NEO1: variants seen among roughly 807,000 people sequenced by gnomAD.
The protein encoded by NEO1 is neogenin.
A neutral mutation model predicts 159.7 loss-of-function variants in NEO1; 63 were observed. That is an observed-to-expected ratio of 0.39 (90% CI 0.32 to 0.49). The LOEUF (loss-of-function observed/expected upper bound fraction) is 0.49. NEO1 is among the 20% of genes least tolerant of loss of function. The pLI, the probability that NEO1 is intolerant of heterozygous loss-of-function variation, is 0.85. For synonymous variants in NEO1, 633 were observed against 662.0 expected, an observed-to-expected ratio of 0.96 and a Z score of 0.67; for missense variants, 1,615 against 1,831.0, an observed-to-expected ratio of 0.88 and a Z score of 2.15.
intron 2 of NEO1, among the ~76,000 whole-genome samples, chr15:73,121,167 T>C (rs563460772): frequency 6.6e-6 from 1 of 152,332 alleles, no homozygotes; most frequent in South Asian, 2.1e-4. Context: ...TTTCACTGAT[T>C]ATCTCAATAA....
intron 7 of NEO1, chr15:73,222,091 ATTTTTTTTTTTTTTT>A (rs71137336): frequency 1.1e-3 from 61 of 53,052 alleles, no homozygotes; most frequent in South Asian, 7.9e-3. Context: ...CCTGTTGGTA[ATTTTTTTTTTTTTTT>A]TTTTTTTTTT....
Position 73,244,347 on chromosome 15 carries a change from A to G in NEO1, c.1455A>G (p.Glu485=), listed in dbSNP as rs1445367030. The change falls in exon 9 of 29, where the codon GAA becomes GAG. Residue 485 remains glutamate, a synonymous_variant. Transcript: ENST00000261908. ...VFYTKEGIAR[E]RVENTSHPGE... The stretch of plus-strand genomic sequence containing the variant: ...TCTCCAAATCCTTTGTCTAAAGGGA[A>G]CGTGTTGAGAATACCAGTCACCCAG... The G allele has an allele frequency of 6.2e-7, 1 of 1,613,108 alleles. No individual in the cohort carries two copies. Among genetic ancestry groups the G allele is most frequent in the African/African-American group, 1.3e-5 (1 of 75,046 alleles).
chr15:73,124,508 A>T (rs1317909743), intron 3 of NEO1, among the ~76,000 whole-genome samples: 1 of 151,512 alleles, frequency 6.6e-6, no homozygotes, highest in Non-Finnish European at 1.5e-5. Flanking sequence ...CCCATCTCCT[A>T]CTCTTTTCTC....
intron 7 of NEO1, among the ~76,000 whole-genome samples, chr15:73,233,490 A>T (rs2039020792): frequency 2.0e-5 from 3 of 152,170 alleles, no homozygotes; most frequent in African/African-American, 7.2e-5. Context: ...CCATTTATTA[A>T]TTCAATAAAT....
At chr15:73,133,680 A>G (rs1408633345) in intron 4 of NEO1, among the ~76,000 whole-genome samples, 2 of 152,094 alleles carry the variant, frequency 1.3e-5, no homozygotes, top group East Asian at 3.9e-4. Flanking sequence ...ACTTGAGTCC[A>G]TTGGCTGTAT....
At chr15:73,081,747 TAA>T (rs1225591692) in intron 1 of NEO1, among the ~76,000 whole-genome samples, 2 of 152,208 alleles carry the variant, frequency 1.3e-5, no homozygotes, top group Admixed American at 6.5e-5. Context: ...GGCTAATTTT[TAA>T]AGTTTTTGTA....
rs753795678 is a variant in NEO1, at chr15:73,100,705, T to A, written c.131-15835T>A. Among the ~76,000 whole-genome samples, 250 of 152,324 alleles carry A rather than the reference T, an allele frequency of 1.6e-3. 1 individual carries two copies. Among genetic ancestry groups the A allele is most frequent in the Non-Finnish European group, 2.1e-3 (146 of 68,024 alleles). On this transcript the variant is annotated intron_variant, in intron 1 of 28. Coordinates refer to ENST00000261908, the MANE Select transcript of NEO1 (RefSeq NM_002499.4). ...GCCTAGAAAAGTTTAATTTCAAATGTCTACTTTCCTTCCTTTTCTACTTTA... is the reference window on the plus strand; with the variant it reads ...GCCTAGAAAAGTTTAATTTCAAATGACTACTTTCCTTCCTTTTCTACTTTA...
chr15:73,184,399 C>A (rs950261189), intron 7 of NEO1, among the ~76,000 whole-genome samples: 1 of 152,110 alleles, frequency 6.6e-6, no homozygotes, highest in South Asian at 2.1e-4. Context: ...CTCCTACAGA[C>A]TACAAGATGA....
intron 22 of NEO1, among the ~76,000 whole-genome samples, chr15:73,280,032 A>G (rs2041618705): frequency 6.6e-6 from 1 of 152,222 alleles, no homozygotes; most frequent in Non-Finnish European, 1.5e-5. Flanking sequence ...CTGGTACACT[A>G]TGACATCCAT....
intron 26 of NEO1, among the ~76,000 whole-genome samples, chr15:73,295,675 T>C (rs1051753297): frequency 3.3e-5 from 5 of 152,268 alleles, no homozygotes; most frequent in Admixed American, 6.5e-5. Flanking sequence ...ATTTGAAATA[T>C]AGAGCAAGTA....
chr15:73,249,529 C>G, intron 10 of NEO1, 54 bp from the exon 11 acceptor site: 1 of 1,508,684 alleles, frequency 6.6e-7, no homozygotes. Flanking sequence ...CTTTAATTTT[C>G]AACTTTTCTT....
At chr15:73,052,831 G>T in intron 1 of NEO1, 26 bp downstream of exon 1, 1 of 599,024 alleles carries the variant, frequency 1.7e-6, no homozygotes, top group Non-Finnish European at 2.1e-6. Context: ...GGGCCCGGGG[G>T]TTCGCGGGGG....
At chr15:73,107,850 G>A (rs2070768408) in intron 1 of NEO1, among the ~76,000 whole-genome samples, 2 of 152,172 alleles carry the variant, frequency 1.3e-5, no homozygotes. Flanking sequence ...TTACTCTTAG[G>A]AGAATCTTCT....
intron 5 of NEO1, among the ~76,000 whole-genome samples, chr15:73,173,588 G>A (rs2035102702): frequency 6.6e-6 from 1 of 152,126 alleles, no homozygotes; most frequent in African/African-American, 2.4e-5. Context: ...AGAAGGGAAA[G>A]CCTTTGGAGT....
At chr15:73,191,804 A>G (rs2036250414) in intron 7 of NEO1, among the ~76,000 whole-genome samples, 3 of 152,084 alleles carry the variant, frequency 2.0e-5, no homozygotes, top group South Asian at 2.1e-4. Flanking sequence ...GTTCATTGTC[A>G]AGAATAAGAA....
intron 1 of NEO1, among the ~76,000 whole-genome samples, chr15:73,102,094 T>C (rs879865142): frequency 2.0e-5 from 3 of 152,114 alleles, no homozygotes; most frequent in Non-Finnish European, 4.4e-5. Context: ...TTAGTCCAGG[T>C]GCGGTGATTC....
intron 1 of NEO1, among the ~76,000 whole-genome samples, chr15:73,064,257 G>A (rs1323149857): frequency 1.3e-5 from 2 of 152,172 alleles, no homozygotes; most frequent in African/African-American, 2.4e-5. Flanking sequence ...GTGATGAGAT[G>A]CTCATACTAA....
At chr15:73,282,942 T>C (rs1404900647) in intron 22 of NEO1, 22 bp from the exon 23 acceptor site, 1 of 1,611,718 alleles carries the variant, frequency 6.2e-7, no homozygotes, top group Non-Finnish European at 8.5e-7. Context: ...CCCTAACACA[T>C]GTACCATTTC....
chr15:73,266,235 G>A (rs1241378818), intron 15 of NEO1, 81 bp from the exon 16 acceptor site: 1 of 1,063,298 alleles, frequency 9.4e-7, no homozygotes, highest in Non-Finnish European at 1.4e-6. Flanking sequence ...TTCTTCTGTG[G>A]TTAAGATTAT....
Sources: allele counts gnomAD v4.1 joint callset (sites outside exome capture counted in the v4.1 genomes callset), GRCh38; gene constraint gnomAD v4.1.1; transcripts MANE v1.5; gene names NCBI Gene and HGNC (gene_info 2026-07-23, HGNC 2026-07-21).